The following PTPRR variants were observed in gnomAD, a reference collection of about 807,000 sequenced individuals.
PTPRR encodes the protein protein tyrosine phosphatase receptor type R, also known as receptor-type tyrosine-protein phosphatase R.
Under a neutral mutation model 77.2 loss-of-function variants are expected in PTPRR, and 38 were observed. The observed-to-expected ratio is 0.49, with a 90% CI of 0.38 to 0.65. The LOEUF (loss-of-function observed/expected upper bound fraction) is 0.65. Among genes scored for constraint, PTPRR ranks in the 30% least tolerant of loss-of-function variants. The pLI is 0.00. For missense variants in PTPRR, 744 were observed against 799.2 expected, an observed-to-expected ratio of 0.93 and a Z score of 0.83; for synonymous variants, 299 against 283.1, an observed-to-expected ratio of 1.06 and a Z score of -0.57.
chr12:70,864,342 C>A (rs1892804404), intron 2 of PTPRR, among the ~76,000 whole-genome samples: 1 of 152,122 alleles, frequency 6.6e-6, no homozygotes. Context: ...TTCTGGTCAG[C>A]CAAAGATAGG....
intron 2 of PTPRR, among the ~76,000 whole-genome samples, chr12:70,817,498 A>G (rs762675158): frequency 6.6e-6 from 1 of 152,246 alleles, no homozygotes; most frequent in Non-Finnish European, 1.5e-5. Flanking sequence ...CACATTCTCA[A>G]GTAGTTAATT....
intron 6 of PTPRR, among the ~76,000 whole-genome samples, chr12:70,701,643 T>C (rs1385148875): frequency 6.6e-6 from 1 of 152,188 alleles, no homozygotes; most frequent in Non-Finnish European, 1.5e-5. Context: ...GGAAAAGCTA[T>C]ATCTATATCT....
chr12:70,653,812 G>A (rs1461369167), intron 13 of PTPRR, among the ~76,000 whole-genome samples: 2 of 152,196 alleles, frequency 1.3e-5, no homozygotes, highest in African/African-American at 4.8e-5. Flanking sequence ...CAAAAAAATG[G>A]TGGAATCTGG....
chr12:70,652,249 T>C (rs1886422035), intron 13 of PTPRR, among the ~76,000 whole-genome samples: 1 of 152,132 alleles, frequency 6.6e-6, no homozygotes, highest in African/African-American at 2.4e-5. Context: ...ATTGGAATTT[T>C]TAAAATGAGG....
intron 13 of PTPRR, among the ~76,000 whole-genome samples, chr12:70,646,214 T>C (rs1292394706): frequency 6.6e-6 from 1 of 152,190 alleles, no homozygotes; most frequent in African/African-American, 2.4e-5. Flanking sequence ...GAGGCTACTG[T>C]CTGCTGTGCT....
chr12:70,700,004 G>GA (rs935794675), intron 7 of PTPRR, among the ~76,000 whole-genome samples: 5 of 151,072 alleles, frequency 3.3e-5, no homozygotes, highest in Non-Finnish European at 4.4e-5. Context: ...TGCAGTTCTA[G>GA]AAAAAAAAAG....
chr12:70,667,717 A>G (rs1887063381), intron 10 of PTPRR, among the ~76,000 whole-genome samples: 2 of 152,084 alleles, frequency 1.3e-5, no homozygotes, highest in African/African-American at 4.8e-5. Flanking sequence ...AATCCAGTTG[A>G]CCAGCGACAG....
chr12:70,891,176 A>G (rs922000141), intron 2 of PTPRR, among the ~76,000 whole-genome samples: 3 of 152,108 alleles, frequency 2.0e-5, no homozygotes, highest in African/African-American at 7.2e-5. Context: ...CCAAACCACA[A>G]ATAAGCTGAA....
chr12:70,775,158 TTGAG>T (rs1404129373), intron 2 of PTPRR, among the ~76,000 whole-genome samples: 6 of 152,030 alleles, frequency 3.9e-5, no homozygotes, highest in African/African-American at 7.3e-5. Context: ...ATAAGAACAA[TTGAG>T]TATTTTTATT....
chr12:70,878,065 C>T (rs372967743), intron 2 of PTPRR, among the ~76,000 whole-genome samples: 5 of 151,968 alleles, frequency 3.3e-5, no homozygotes, highest in African/African-American at 1.2e-4. Context: ...AGCTGAAACT[C>T]GATCCCTTCC....
intron 2 of PTPRR, among the ~76,000 whole-genome samples, chr12:70,814,038 A>C (rs1240312037): frequency 6.6e-6 from 1 of 152,196 alleles, no homozygotes; most frequent in East Asian, 1.9e-4. Flanking sequence ...TACTGACAAG[A>C]GTATTCAGAA....
At chr12:70,643,670 G>A (rs1886092297) in intron 13 of PTPRR, among the ~76,000 whole-genome samples, 1 of 152,140 alleles carries the variant, frequency 6.6e-6, no homozygotes, top group Admixed American at 6.6e-5. Context: ...AGGTCAGATA[G>A]GTTTCATGGA....
At chr12:70,849,254 A>G (rs1565717647) in intron 2 of PTPRR, among the ~76,000 whole-genome samples, 1 of 152,118 alleles carries the variant, frequency 6.6e-6, no homozygotes, top group African/African-American at 2.4e-5. Context: ...AAAAAAAAAA[A>G]TTTTCCAACA....
intron 13 of PTPRR, among the ~76,000 whole-genome samples, chr12:70,651,577 T>G (rs935144405): frequency 3.3e-5 from 5 of 152,208 alleles, no homozygotes; most frequent in Non-Finnish European, 7.3e-5. Context: ...AAAACTGTTT[T>G]AAAAATTATG....
chr12:70,764,931 T>A (rs746099231), intron 2 of PTPRR, among the ~76,000 whole-genome samples, 153 bp from the exon 3 acceptor site: 2 of 152,272 alleles, frequency 1.3e-5, no homozygotes, highest in Non-Finnish European at 2.9e-5. Flanking sequence ...TTTACACTAA[T>A]AATGCTTTAT....
At chr12:70,861,750 T>G (rs1892757094) in intron 2 of PTPRR, among the ~76,000 whole-genome samples, 5 of 152,106 alleles carry the variant, frequency 3.3e-5, no homozygotes. Context: ...CTAAGGGAGT[T>G]ATGATATTGT....
intron 10 of PTPRR, among the ~76,000 whole-genome samples, chr12:70,677,302 T>G (rs917057555): frequency 1.9e-4 from 29 of 152,192 alleles, no homozygotes; most frequent in African/African-American, 5.5e-4. Flanking sequence ...GTCTATTAGT[T>G]CTAACAAGTT....
At chr12:70,669,559 T>TACAC (rs566522694) in intron 10 of PTPRR, among the ~76,000 whole-genome samples, 6,935 of 141,664 alleles carry the variant, frequency 0.049, 206 homozygotes, top group African/African-American at 0.073. Flanking sequence ...ATATATGTTA[T>TACAC]ACACACACAC....
rs79649625 is a variant in PTPRR, at chr12:70,826,620, G to C, written c.358-61842C>G. On this transcript the variant is annotated intron_variant, in intron 2 of 13. Transcript: ENST00000283228. ...ATATTCTGTCCTGGTCACCCTAGAA[G>C]CACGTGTAAACTTGTCAATCCATGT... Among the ~76,000 whole-genome samples, 476 of 152,290 alleles carry C rather than the reference G, an allele frequency of 3.1e-3. 4 individuals are homozygous for C. The highest frequency in any genetic ancestry group is 0.011 in the African/African-American group (456 of 41,544).
Sources: allele counts gnomAD v4.1 joint callset (sites outside exome capture counted in the v4.1 genomes callset), GRCh38; gene constraint gnomAD v4.1.1; transcripts MANE v1.5; gene names NCBI Gene and HGNC (gene_info 2026-07-23, HGNC 2026-07-21).